SAMD5: variants seen among roughly 807,000 people sequenced by gnomAD.
SAMD5 encodes the protein sterile alpha motif domain containing 5.
SAMD5 carries 13 observed loss-of-function variants against 11.3 expected under a neutral mutation model. The observed-to-expected ratio is 1.15, with a 90% CI of 0.75 to 1.83. The LOEUF is 1.83. SAMD5 is among the 40% of genes most tolerant of loss of function. The pLI is 0.00. For missense variants in SAMD5, 255 were observed against 239.1 expected (o/e 1.07, Z -0.44); for synonymous variants, 129 against 111.3 (o/e 1.16, Z -1.00).
At chr6:147,562,138 TTAG>T (rs1788960193) in intron 1 of SAMD5, among the ~76,000 whole-genome samples, 1 of 152,204 alleles carries the variant, frequency 6.6e-6, no homozygotes, top group Non-Finnish European at 1.5e-5. Flanking sequence ...GTCCACACCG[TTAG>T]ATGGGTTTAT....
At position 147,569,829 on chromosome 6, in the gene SAMD5, G is replaced by A. The variant is rs942713758; in HGVS notation, c.*5373G>A. The A allele has an allele frequency of 2.0e-6, 2 of 984,928 alleles. No homozygotes were observed. The highest frequency in any genetic ancestry group is 2.4e-6 in the Non-Finnish European group (2 of 829,530). 61.0% of individuals were successfully genotyped at this position (984,928 alleles called of 1,614,324 possible). ...TCACTCTAATTGAAAGCAGCAGTTT[G>A]GTTTTGTAAATGTAATTGCAATTGA... On this transcript the variant is annotated 3_prime_UTR_variant, in exon 2 of 2. Coordinates refer to ENST00000367474, the MANE Select transcript of SAMD5 (RefSeq NM_001030060.3).
At chr6:147,637,237 T>G (rs1790243346) in intron 1 of SAMD5, among the ~76,000 whole-genome samples, 1 of 151,996 alleles carries the variant, frequency 6.6e-6, no homozygotes, top group South Asian at 2.1e-4. Context: ...ACTGAGGGAG[T>G]CCTGGTTGGG....
At chr6:147,749,330 T>C in the SAMD5 span, among the ~76,000 whole-genome samples, 3 of 151,912 alleles carry the variant, frequency 2.0e-5, no homozygotes, top group Non-Finnish European at 4.4e-5. Context: ...CCACTATGCC[T>C]GGCTAATTTT....
At chr6:147,588,635 T>G (rs1789409756) in intron 1 of SAMD5, among the ~76,000 whole-genome samples, 1 of 152,064 alleles carries the variant, frequency 6.6e-6, no homozygotes, top group African/African-American at 2.4e-5. Context: ...CTGTCCAGTT[T>G]CAATGAATCA....
At chr6:147,512,104 C>T (rs560387182) in intron 1 of SAMD5, among the ~76,000 whole-genome samples, 2 of 152,230 alleles carry the variant, frequency 1.3e-5, no homozygotes, top group African/African-American at 2.4e-5. Flanking sequence ...ATTACAGGCA[C>T]CTGCCACCAC....
the SAMD5 span, among the ~76,000 whole-genome samples, chr6:147,903,534 T>TGATTCACTGTCAAATA: frequency 6.6e-6 from 1 of 152,224 alleles, no homozygotes; most frequent in Non-Finnish European, 1.5e-5. Context: ...AAATGGAAGC[T>TGATTCACTGTCAAATA]GATTCACTGT....
At chr6:147,681,785 A>C (rs1046039792) in intron 1 of SAMD5, among the ~76,000 whole-genome samples, 1 of 152,120 alleles carries the variant, frequency 6.6e-6, no homozygotes, top group African/African-American at 2.4e-5. Flanking sequence ...TCTAGGGCTA[A>C]TTTTACCCCA....
chr6:147,718,130 A>C (rs1791493865), intron 1 of SAMD5, among the ~76,000 whole-genome samples: 1 of 152,132 alleles, frequency 6.6e-6, no homozygotes, highest in African/African-American at 2.4e-5. Context: ...GTACTATATG[A>C]GGTGAATTAA....
chr6:147,576,369 G>A (rs945031724), intron 1 of SAMD5, among the ~76,000 whole-genome samples: 4 of 152,142 alleles, frequency 2.6e-5, no homozygotes, highest in Non-Finnish European at 5.9e-5. Context: ...TCGAACTCCT[G>A]ACCTCAGGTG....
downstream of SAMD5, among the ~76,000 whole-genome samples, chr6:147,571,524 G>A (rs1789138622): frequency 1.3e-5 from 2 of 151,140 alleles, no homozygotes; most frequent in Non-Finnish European, 2.9e-5. Context: ...TGAGGACAGA[G>A]TACATTCGTG....
At chr6:147,942,742 T>C in the SAMD5 span, among the ~76,000 whole-genome samples, 1 of 152,164 alleles carries the variant, frequency 6.6e-6, no homozygotes, top group East Asian at 1.9e-4. Flanking sequence ...ATAATTTCTC[T>C]TTCTTTCTGA....
chr6:147,932,359 GGCT>G, the SAMD5 span, among the ~76,000 whole-genome samples: 138 of 152,188 alleles, frequency 9.1e-4, no homozygotes, highest in African/African-American at 3.2e-3. Flanking sequence ...GCTCAACCAT[GGCT>G]TGGAGGACCC....
intron 1 of SAMD5, among the ~76,000 whole-genome samples, chr6:147,663,981 G>C (rs1790683223): frequency 6.7e-6 from 1 of 150,022 alleles, no homozygotes; most frequent in East Asian, 1.9e-4. Context: ...AGTTCTAACA[G>C]ATTAAGCTTG....
chr6:147,782,472 T>C, the SAMD5 span, among the ~76,000 whole-genome samples: 2 of 152,204 alleles, frequency 1.3e-5, no homozygotes, highest in Non-Finnish European at 2.9e-5. Flanking sequence ...AAAATCATAA[T>C]CCATCTCTGC....
chr6:147,616,291 C>G (rs1789872031), intron 1 of SAMD5, among the ~76,000 whole-genome samples: 1 of 140,652 alleles, frequency 7.1e-6, no homozygotes. Context: ...ATATATACTT[C>G]ATATATATTT....
intron 1 of SAMD5, among the ~76,000 whole-genome samples, chr6:147,543,724 T>C (rs1435234106): frequency 6.6e-6 from 1 of 152,160 alleles, no homozygotes; most frequent in Non-Finnish European, 1.5e-5. Flanking sequence ...AGTGACAGCT[T>C]GAGGCAGCAA....
chr6:147,953,051 T>A, the SAMD5 span, among the ~76,000 whole-genome samples: 2 of 152,216 alleles, frequency 1.3e-5, no homozygotes, highest in Non-Finnish European at 2.9e-5. Context: ...GCCTTTATCC[T>A]CACTGAATAC....
the SAMD5 span, among the ~76,000 whole-genome samples, chr6:147,924,239 C>T: frequency 1.3e-5 from 2 of 152,280 alleles, no homozygotes; most frequent in South Asian, 4.1e-4. Context: ...CTGATCATAA[C>T]AAACACTAGT....
intron 1 of SAMD5, among the ~76,000 whole-genome samples, chr6:147,694,420 C>G (rs1791146426): frequency 6.6e-6 from 1 of 152,064 alleles, no homozygotes; most frequent in Non-Finnish European, 1.5e-5. Context: ...TGATTTTGCT[C>G]ATGGGATGTG....
Sources: gnomAD v4.1 joint callset for allele counts (sites outside exome capture counted in the v4.1 genomes callset) on GRCh38, gnomAD v4.1.1 for gene constraint, MANE v1.5 for transcripts, NCBI Gene and HGNC (gene_info 2026-07-23, HGNC 2026-07-21) for gene names.